YEATS2: variants seen among roughly 807,000 people sequenced by gnomAD.
YEATS2 encodes YEATS domain containing 2.
In YEATS2, 77 loss-of-function variants were observed where a neutral mutation model predicts 163.2. That is an observed-to-expected ratio of 0.47 (90% confidence interval 0.39 to 0.57). YEATS2 has a LOEUF of 0.57. Among genes scored for constraint, YEATS2 ranks in the 20% least tolerant of loss-of-function variants. The pLI, the probability that YEATS2 is intolerant of heterozygous loss-of-function variation, is 0.00. For missense variants in YEATS2, 1,549 were observed against 1,729.8 expected (o/e 0.90, Z 1.85); for synonymous variants, 631 against 645.1 (o/e 0.98, Z 0.33).
chr3:183,762,076 T>G, intron 14 of YEATS2, 21 bp from the exon 15 acceptor site: 1 of 1,614,024 alleles, frequency 6.2e-7, no homozygotes, highest in Admixed American at 1.7e-5. Context: ...GTTTATTCAG[T>G]GTCATTATGT....
chr3:183,709,890 C>T (rs1200662481), intron 1 of YEATS2, among the ~76,000 whole-genome samples: 1 of 151,578 alleles, frequency 6.6e-6, no homozygotes, highest in African/African-American at 2.4e-5. Context: ...CCATGTTAGC[C>T]AGGATGGTCT....
At chr3:183,805,868 C>A (rs927625719) in intron 27 of YEATS2, among the ~76,000 whole-genome samples, 4 of 151,984 alleles carry the variant, frequency 2.6e-5, no homozygotes, top group African/African-American at 7.2e-5. Context: ...TCCTTTCTCT[C>A]ATCTCCTGCA....
intron 7 of YEATS2, among the ~76,000 whole-genome samples, chr3:183,733,726 A>G (rs1454352914): frequency 6.6e-6 from 1 of 152,242 alleles, no homozygotes; most frequent in African/African-American, 2.4e-5. Flanking sequence ...TCATCACAGC[A>G]CATTACCTGA....
chr3:183,798,764 A>G (rs1725395704), intron 22 of YEATS2, 127 bp from the exon 23 acceptor site: 3 of 704,184 alleles, frequency 4.3e-6, no homozygotes, highest in Non-Finnish European at 7.6e-6. Context: ...GGACTTTGCA[A>G]TTCCTGTTGT....
rs1720469091 is a variant in YEATS2, at chr3:183,754,115, A to G, written c.1151-11A>G. 6.5e-7 allele frequency: 1 copy of G among 1,530,946 alleles called. No individual in the cohort carries two copies. The highest frequency in any genetic ancestry group is 8.8e-7 in the Non-Finnish European group (1 of 1,131,356). The allele number at this position is 1,530,946 out of a possible 1,614,324, so 94.8% of individuals were successfully genotyped here. ...TGATGACTTGCCGTTTGCCTCTTTC[A>G]TCTCAAGCAGGATTCCCAGCTAGCA... On this transcript the variant is annotated splice_polypyrimidine_tract_variant and intron_variant, in intron 10 of 30. Transcript: ENST00000305135.
chr3:183,708,034 T>A (rs1397039203), intron 1 of YEATS2, among the ~76,000 whole-genome samples: 1 of 151,984 alleles, frequency 6.6e-6, no homozygotes, highest in African/African-American at 2.4e-5. Context: ...CCAAGTTCAG[T>A]GGTTCTGATA....
chr3:183,735,674 G>A (rs1718258586), intron 7 of YEATS2, among the ~76,000 whole-genome samples: 1 of 149,382 alleles, frequency 6.7e-6, no homozygotes, highest in Non-Finnish European at 1.5e-5. Context: ...TGTCTGTTGA[G>A]TTTCTTTCTC....
At chr3:183,760,653 G>A (rs963972648) in intron 13 of YEATS2, among the ~76,000 whole-genome samples, 3 of 152,110 alleles carry the variant, frequency 2.0e-5, no homozygotes, top group African/African-American at 7.2e-5. Flanking sequence ...GTTGACTTTC[G>A]TTGTCTTTGC....
intron 19 of YEATS2, among the ~76,000 whole-genome samples, chr3:183,781,435 A>G (rs1346145412): frequency 6.6e-6 from 1 of 152,180 alleles, no homozygotes; most frequent in African/African-American, 2.4e-5. Flanking sequence ...AGATTGGATG[A>G]TGTCTGCCCA....
rs760080206 is a variant in YEATS2 at position 183,775,958 on chromosome 3, AG to A, written c.2414del (p.Gly805GlufsTer43). 1.5e-5 allele frequency: 6 copies of A among 412,616 alleles called. No homozygotes were observed. The highest frequency in any genetic ancestry group is 5.5e-5 in the South Asian group (1 of 18,148). 25.6% of individuals were successfully genotyped at this position (412,616 alleles called of 1,614,324 possible). On this transcript the variant is annotated frameshift_variant, in exon 18 of 31. Coordinates refer to ENST00000305135, the MANE Select transcript of YEATS2 (RefSeq NM_018023.5). LOFTEE classifies it high-confidence loss of function. ...CTGCCAGTGGTGGGAGTGGTGCCGG[AG>A]GAGGAGGAGGAGGAGGAGGAGGAGG... is the stretch of plus-strand genomic sequence containing the variant. ...SAASGGSGAG[G>X]GGGGGGGGGS... is the part of the protein sequence containing the mutation.
At chr3:183,775,091 A>G (rs1315911965) in intron 17 of YEATS2, among the ~76,000 whole-genome samples, 1 of 152,216 alleles carries the variant, frequency 6.6e-6, no homozygotes, top group Non-Finnish European at 1.5e-5. Flanking sequence ...AGAAGTAAAA[A>G]GACTTCAAGG....
intron 8 of YEATS2, among the ~76,000 whole-genome samples, chr3:183,737,879 T>C (rs1268763902): frequency 6.6e-6 from 1 of 152,206 alleles, no homozygotes; most frequent in Non-Finnish European, 1.5e-5. Context: ...TTTAAAAAAA[T>C]TGAAGATTTG....
chr3:183,804,299 A>G (rs1020204866), intron 27 of YEATS2, 111 bp downstream of exon 27: 83 of 1,321,390 alleles, frequency 6.3e-5, no homozygotes, highest in Non-Finnish European at 8.0e-5. Context: ...AGCCTTTCCT[A>G]CCTCCTGCCG....
At chr3:183,760,484 G>A (rs530519977) in intron 13 of YEATS2, among the ~76,000 whole-genome samples, 22 of 152,116 alleles carry the variant, frequency 1.4e-4, no homozygotes, top group African/African-American at 4.3e-4. Flanking sequence ...CCCCACGCCC[G>A]GATAATTTTG....
At chr3:183,788,981 CTT>C (rs766326439) in intron 20 of YEATS2, among the ~76,000 whole-genome samples, 13 of 152,234 alleles carry the variant, frequency 8.5e-5, no homozygotes, top group African/African-American at 3.1e-4. Context: ...GATTGTTTGG[CTT>C]TTTTCTATAG....
At chr3:183,702,938 A>G (rs12493860) in intron 1 of YEATS2, among the ~76,000 whole-genome samples, 16 of 152,138 alleles carry the variant, frequency 1.1e-4, no homozygotes, top group Admixed American at 9.2e-4. Context: ...GTTTTATCCT[A>G]CAGTCTTCTG....
intron 17 of YEATS2, among the ~76,000 whole-genome samples, chr3:183,774,828 T>A (rs918153324): frequency 6.6e-6 from 1 of 152,208 alleles, no homozygotes; most frequent in Non-Finnish European, 1.5e-5. Context: ...TCTCACTTGG[T>A]GTTTTTTCCT....
chr3:183,773,367 T>C (rs262962), intron 16 of YEATS2, among the ~76,000 whole-genome samples: 63,923 of 152,016 alleles, frequency 0.42, 14,168 homozygotes, highest in East Asian at 0.65. Context: ...CTAGAACTGT[T>C]CTGGGCAGAA....
chr3:183,736,945 T>G, intron 8 of YEATS2, 116 bp downstream of exon 8: 1 of 826,746 alleles, frequency 1.2e-6, no homozygotes, highest in Non-Finnish European at 1.9e-6. Context: ...CACATACAAC[T>G]TTCGACTCCC....
Sources: allele counts gnomAD v4.1 joint callset (sites outside exome capture counted in the v4.1 genomes callset), GRCh38; gene constraint gnomAD v4.1.1; transcripts MANE v1.5; gene names NCBI Gene and HGNC (gene_info 2026-07-23, HGNC 2026-07-21).